The following OPRM1 variants were observed in gnomAD, a reference collection of about 807,000 sequenced individuals.
OPRM1 encodes the protein mu-type opioid receptor.
Under a neutral mutation model 31.8 loss-of-function variants are expected in OPRM1, and 27 were observed. That is an observed-to-expected ratio of 0.85 (90% CI 0.63 to 1.17). The LOEUF (loss-of-function observed/expected upper bound fraction) is 1.17, where lower values mean the gene tolerates loss of function less well. OPRM1 is among the 50% of genes most tolerant of loss of function. OPRM1 has a pLI of 0.00. For synonymous variants in OPRM1, 196 were observed against 189.9 expected, an observed-to-expected ratio of 1.03 and a Z score of -0.26; for missense variants, 536 against 511.1, an observed-to-expected ratio of 1.05 and a Z score of -0.47.
At chr6:154,088,566 C>T (rs912015668) in intron 1 of OPRM1, among the ~76,000 whole-genome samples, 11 of 152,082 alleles carry the variant, frequency 7.2e-5, no homozygotes, top group East Asian at 3.8e-4. Context: ...AAACAGGCAA[C>T]GGTCCAATTG....
At chr6:154,180,414 A>ATATATATATATATATTTTTTTTT (rs1241250621) in intron 3 of OPRM1, among the ~76,000 whole-genome samples, 4 of 65,262 alleles carry the variant, frequency 6.1e-5, no homozygotes, top group African/African-American at 1.9e-4. Flanking sequence ...ATATATATAT[A>ATATATATATATATATTTTTTTTT]TTTTTTTTTT....
rs371421932 is a variant in OPRM1 at position 154,168,120 on chromosome 6, GA to G, written c.1164+76659del. 0.022 allele frequency: 23,227 copies of G among 1,067,980 alleles called. No individual in the cohort carries two copies. Among genetic ancestry groups the G allele is most frequent in the South Asian group, 0.042 (2,158 of 51,304 alleles). 66.2% of individuals were successfully genotyped at this position (1,067,980 alleles called of 1,614,324 possible). ...TCAGACACTTTTGTCTCTTCTATTT[GA>G]AAAAAAAAAAGAAAGCAGTAACAAT... is the stretch of plus-strand genomic sequence containing the variant. On this transcript the variant is annotated intron_variant, in intron 3 of 3. Transcript: ENST00000337049. This position sits in a 1 kb window ranked among gnomAD's most constrained non-coding sequence, Gnocchi z 4.1.
intron 3 of OPRM1, among the ~76,000 whole-genome samples, chr6:154,192,365 T>C (rs1204986126): frequency 6.6e-6 from 1 of 151,330 alleles, no homozygotes; most frequent in African/African-American, 2.4e-5. Context: ...TGCATGTGTG[T>C]GTATTTATGG....
rs1038181160 is a variant in OPRM1, at chr6:154,233,571, A to G, written c.1165-13122A>G. 3.9e-5 allele frequency among the ~76,000 whole-genome samples: 6 copies of G among 152,336 alleles called. No individual in the cohort carries two copies. The South Asian group carries it at 1.0e-3, about 26-fold the overall frequency. On this transcript the variant is annotated intron_variant, in intron 3 of 3. Transcript: ENST00000337049. ...TGTTTTTGGCTAGAAAAAAGGCCCA[A>G]TTTCCTACAGAACCCAGAGATTCTT... is the stretch of plus-strand genomic sequence containing the variant.
chr6:154,102,957 C>A (rs1249307261), intron 3 of OPRM1, among the ~76,000 whole-genome samples: 1 of 143,186 alleles, frequency 7.0e-6, no homozygotes, highest in African/African-American at 2.6e-5. Context: ...TCATGGAAGA[C>A]AAGAGAAAGG....
intron 1 of OPRM1, among the ~76,000 whole-genome samples, chr6:154,082,791 G>C (rs1014666936): frequency 6.6e-5 from 10 of 152,148 alleles, no homozygotes; most frequent in African/African-American, 2.4e-4. Flanking sequence ...TCTAGCTCCT[G>C]AGATGGATGC....
At chr6:154,149,833 C>T (rs1308285348) in intron 3 of OPRM1, among the ~76,000 whole-genome samples, 1 of 152,152 alleles carries the variant, frequency 6.6e-6, no homozygotes, top group Non-Finnish European at 1.5e-5. Flanking sequence ...CTATACAGTG[C>T]TGCCATCTGG....
rs182483772 is a variant in OPRM1 at position 154,077,836 on chromosome 6, T to G, written c.291-11990T>G. Among the ~76,000 whole-genome samples, 6 of 152,160 alleles carry G rather than the reference T, an allele frequency of 3.9e-5. No homozygotes were observed. In the East Asian group the frequency reaches 1.2e-3, roughly 29 times the overall value. ...CATACCAAAATATCTCTAAAGAGTTTTCTAAATCATTGGCTTCCAGATCCT... is the reference window on the plus strand; with the variant it reads ...CATACCAAAATATCTCTAAAGAGTTGTCTAAATCATTGGCTTCCAGATCCT... On this transcript the variant is annotated intron_variant, in intron 1 of 3. Transcript: ENST00000330432.
At chr6:154,096,636 G>T (rs1416817683) in intron 3 of OPRM1, among the ~76,000 whole-genome samples, 1 of 152,116 alleles carries the variant, frequency 6.6e-6, no homozygotes, top group African/African-American at 2.4e-5. Flanking sequence ...TATCACATCT[G>T]CTTCCTATAA....
At chr6:154,080,474 A>G (rs1299784452) in intron 1 of OPRM1, among the ~76,000 whole-genome samples, 3 of 152,218 alleles carry the variant, frequency 2.0e-5, no homozygotes, top group Non-Finnish European at 4.4e-5. Flanking sequence ...AAAATTTCCC[A>G]CAGATTGGCT....
intron 3 of OPRM1, among the ~76,000 whole-genome samples, chr6:154,230,275 T>A (rs942749846): frequency 3.9e-5 from 6 of 152,180 alleles, no homozygotes; most frequent in African/African-American, 1.4e-4. Flanking sequence ...AAATCTCCCA[T>A]GCAGATGGGG....
chr6:154,052,096 A>G (rs1453820239), intron 1 of OPRM1, among the ~76,000 whole-genome samples: 2 of 152,188 alleles, frequency 1.3e-5, no homozygotes, highest in East Asian at 1.9e-4. Flanking sequence ...CAAACACTGC[A>G]TGTTCTCACT....
chr6:154,112,065 A>C (rs1796423813), intron 3 of OPRM1, among the ~76,000 whole-genome samples: 1 of 152,206 alleles, frequency 6.6e-6, no homozygotes, highest in South Asian at 2.1e-4. Context: ...GCGCCTGGCC[A>C]AAAACTATAG....
chr6:154,027,193 G>C (rs1050092095), intron 1 of OPRM1, among the ~76,000 whole-genome samples: 1 of 152,180 alleles, frequency 6.6e-6, no homozygotes, highest in African/African-American at 2.4e-5. Context: ...TAATGCTGTG[G>C]TTCTTGCACA....
At chr6:154,154,626 CAT>C (rs1798638977) in intron 3 of OPRM1, 1 of 152,226 alleles carries the variant, frequency 6.6e-6, no homozygotes, top group African/African-American at 2.4e-5. Flanking sequence ...CTTCCAGCCA[CAT>C]GTTTATTTCT....
downstream of OPRM1, among the ~76,000 whole-genome samples, chr6:154,136,722 G>T (rs1219054868): frequency 1.3e-5 from 2 of 152,150 alleles, no homozygotes; most frequent in Non-Finnish European, 2.9e-5. Context: ...CATGGGGAGA[G>T]TGGTGAAAAC....
intron 1 of OPRM1, among the ~76,000 whole-genome samples, chr6:154,044,296 AAC>A (rs1170443395): frequency 1.3e-5 from 2 of 152,170 alleles, no homozygotes; most frequent in African/African-American, 4.8e-5. Context: ...AACATATGGA[AAC>A]ACACATACAT....
chr6:154,034,447 C>T (rs1304678139), upstream of OPRM1, among the ~76,000 whole-genome samples: 1 of 152,118 alleles, frequency 6.6e-6, no homozygotes, highest in Non-Finnish European at 1.5e-5. Flanking sequence ...ACTCAGGAGT[C>T]TGAGGCGGGA....
chr6:154,098,518 C>A (rs1397890640), intron 3 of OPRM1, among the ~76,000 whole-genome samples: 1 of 152,166 alleles, frequency 6.6e-6, no homozygotes, highest in African/African-American at 2.4e-5. Context: ...GCATATTTTT[C>A]TCTTTTAACT....
Sources: allele counts gnomAD v4.1 joint callset (sites outside exome capture counted in the v4.1 genomes callset), GRCh38; gene constraint gnomAD v4.1.1; non-coding constraint Gnocchi (gnomAD v3.1); transcripts MANE v1.5; gene names NCBI Gene and HGNC (gene_info 2026-07-23, HGNC 2026-07-21).